CDH18: variants seen among roughly 807,000 people sequenced by gnomAD.
CDH18 encodes the protein cadherin-18.
CDH18 carries 31 observed loss-of-function variants against 67.9 expected under a neutral mutation model. That is an observed-to-expected ratio of 0.46 (90% CI 0.34 to 0.62). The LOEUF (loss-of-function observed/expected upper bound fraction) is 0.62. Among genes scored for constraint, CDH18 ranks in the 20% least tolerant of loss-of-function variants. CDH18 has a pLI of 0.01. For missense variants in CDH18, 890 were observed against 975.5 expected, an observed-to-expected ratio of 0.91 and a Z score of 1.17; for synonymous variants, 362 against 347.2, an observed-to-expected ratio of 1.04 and a Z score of -0.48.
At chr5:20,289,038 C>G (rs1746905737) in intron 1 of CDH18, among the ~76,000 whole-genome samples, 1 of 151,866 alleles carries the variant, frequency 6.6e-6, no homozygotes. Context: ...TGGATCATGT[C>G]AAATTCTTTC....
chr5:20,135,295 G>A (rs11948841), intron 2 of CDH18, among the ~76,000 whole-genome samples: 7,126 of 152,022 alleles, frequency 0.047, 554 homozygotes, highest in African/African-American at 0.16. Context: ...TCAGGGATTC[G>A]ACTTCTTCCT....
chr5:20,375,329 T>A (rs868075792), intron 1 of CDH18, among the ~76,000 whole-genome samples: 2 of 152,204 alleles, frequency 1.3e-5, no homozygotes, highest in Non-Finnish European at 2.9e-5. Context: ...ATTGTAAGAA[T>A]TGATCATATG....
In CDH18 at chr5:20,214,494, G is replaced by T. The variant is rs576159184; in HGVS notation, c.-518+40950C>A. ...ATAGTACTGTACAAAAACATACATA[G>T]ACCAATGGAAGAGAATACAGAGCCC... On this transcript the variant is annotated intron_variant, in intron 2 of 14. Coordinates refer to the CDH18 transcript ENST00000507958. Among the ~76,000 whole-genome samples the T allele has an allele frequency of 2.6e-5, 4 of 152,002 alleles. No homozygotes were observed. The South Asian group carries it at 8.3e-4, about 32-fold the overall frequency.
chr5:20,043,190 C>A (rs1328014965), intron 2 of CDH18, among the ~76,000 whole-genome samples: 1 of 151,862 alleles, frequency 6.6e-6, no homozygotes, highest in Non-Finnish European at 1.5e-5. Flanking sequence ...TAATGTCTAC[C>A]GATATTGCCA....
At chr5:20,049,179 C>A (rs528516313) in intron 2 of CDH18, among the ~76,000 whole-genome samples, 1 of 151,740 alleles carries the variant, frequency 6.6e-6, no homozygotes, top group South Asian at 2.1e-4. Flanking sequence ...TAAAAGGCAG[C>A]TGCAAAATAC....
chr5:20,453,731 G>A (rs1399416255), intron 1 of CDH18, among the ~76,000 whole-genome samples: 2 of 151,946 alleles, frequency 1.3e-5, no homozygotes, highest in South Asian at 2.1e-4. Context: ...GTTTACCAGC[G>A]TGGAATTAAC....
intron 2 of CDH18, among the ~76,000 whole-genome samples, chr5:20,147,560 C>G (rs1335571512): frequency 6.6e-6 from 1 of 152,134 alleles, no homozygotes; most frequent in African/African-American, 2.4e-5. Flanking sequence ...AGTCCGTACA[C>G]AATGGCAACG....
intron 2 of CDH18, among the ~76,000 whole-genome samples, chr5:20,197,289 G>T (rs1739059431): frequency 6.6e-6 from 1 of 152,090 alleles, no homozygotes; most frequent in Non-Finnish European, 1.5e-5. Flanking sequence ...TAGTATTAAG[G>T]CATAAGCCAC....
At chr5:19,652,813 AG>A (rs1755775721) in intron 5 of CDH18, among the ~76,000 whole-genome samples, 2 of 151,972 alleles carry the variant, frequency 1.3e-5, no homozygotes, top group South Asian at 2.1e-4. Flanking sequence ...AACGGCAAAC[AG>A]GGGGCAAACT....
intron 2 of CDH18, among the ~76,000 whole-genome samples, chr5:20,118,467 CCT>C (rs1748097406): frequency 6.6e-6 from 1 of 152,076 alleles, no homozygotes; most frequent in Non-Finnish European, 1.5e-5. Context: ...ACTACGCTTA[CCT>C]GTTATAATAT....
At chr5:19,503,218 C>A in intron 10 of CDH18, 109 bp from the exon 11 acceptor site, 1 of 608,436 alleles carries the variant, frequency 1.6e-6, no homozygotes, top group East Asian at 2.8e-5. Context: ...ATCTTTTCTT[C>A]CAACTTGAGT....
At chr5:19,492,618 C>T (rs1048051546) in intron 11 of CDH18, among the ~76,000 whole-genome samples, 1 of 151,956 alleles carries the variant, frequency 6.6e-6, no homozygotes, top group African/African-American at 2.4e-5. Context: ...AATGCTCTAA[C>T]TTAAAAATCA....
chr5:20,142,272 A>C (rs1750304450), intron 2 of CDH18, among the ~76,000 whole-genome samples: 1 of 152,132 alleles, frequency 6.6e-6, no homozygotes, highest in African/African-American at 2.4e-5. Context: ...GGATATAAAC[A>C]AATTGTAATC....
chr5:20,518,469 C>T (rs114169845), intron 1 of CDH18, among the ~76,000 whole-genome samples: 5 of 152,230 alleles, frequency 3.3e-5, no homozygotes, highest in South Asian at 2.1e-4. Flanking sequence ...CTGAACTTGA[C>T]TTCTAGGTCC....
chr5:19,983,793 A>G (rs953828513), intron 1 of CDH18, among the ~76,000 whole-genome samples: 2 of 152,228 alleles, frequency 1.3e-5, no homozygotes, highest in African/African-American at 4.8e-5. Flanking sequence ...AAACACTACC[A>G]GCAGTGATAG....
chr5:19,811,618 T>C (rs895112631), intron 3 of CDH18, among the ~76,000 whole-genome samples: 6 of 151,702 alleles, frequency 4.0e-5, no homozygotes, highest in South Asian at 2.1e-4. Flanking sequence ...GACCAAAAAA[T>C]ATAAAAAGAA....
chr5:19,555,431 A>G (rs926702659), intron 8 of CDH18, among the ~76,000 whole-genome samples: 34 of 152,280 alleles, frequency 2.2e-4, no homozygotes, highest in African/African-American at 8.2e-4. Context: ...TGGGTGGGAC[A>G]TGAGGGGAGT....
chr5:19,724,340 T>C (rs962098986), intron 4 of CDH18, among the ~76,000 whole-genome samples: 4 of 152,164 alleles, frequency 2.6e-5, no homozygotes, highest in Non-Finnish European at 5.9e-5. Flanking sequence ...CAAGTTATTA[T>C]TTTCTAGAGA....
chr5:20,405,835 C>T (rs1304973161), intron 1 of CDH18, among the ~76,000 whole-genome samples: 4 of 152,180 alleles, frequency 2.6e-5, no homozygotes, highest in Admixed American at 6.5e-5. Context: ...TGAAAAAATG[C>T]TCATCATCAC....
Sources: allele counts gnomAD v4.1 joint callset (sites outside exome capture counted in the v4.1 genomes callset), GRCh38; gene constraint gnomAD v4.1.1; transcripts MANE v1.5; gene names NCBI Gene and HGNC (gene_info 2026-07-23, HGNC 2026-07-21).